Variants in ZNF236 observed in about 807,000 individuals in gnomAD.
ZNF236 encodes regulated by glucose.
ZNF236 carries 50 observed loss-of-function variants against 191.2 expected under a neutral mutation model. The observed-to-expected ratio is 0.26, with a 90% CI of 0.21 to 0.33. The LOEUF is 0.33. ZNF236 is among the 10% of genes least tolerant of loss of function. The pLI, the probability that ZNF236 is intolerant of heterozygous loss-of-function variation, is 1.00. For missense variants in ZNF236, 1,754 were observed against 2,374.5 expected (o/e 0.74, Z 5.43); for synonymous variants, 907 against 928.8 (o/e 0.98, Z 0.43).
At chr18:76,853,760 C>T (rs1975952660) in intron 3 of ZNF236, among the ~76,000 whole-genome samples, 1 of 152,016 alleles carries the variant, frequency 6.6e-6, no homozygotes, top group South Asian at 2.1e-4. Flanking sequence ...TCTGTAATCC[C>T]AGCACTTTGG....
intron 2 of ZNF236, 125 bp from the exon 3 acceptor site, chr18:76,851,650 G>A (rs1162801080): frequency 2.9e-6 from 3 of 1,017,944 alleles, no homozygotes; most frequent in Non-Finnish European, 4.1e-6. Context: ...AAGAGCCAGA[G>A]GAGACTTCAG....
At position 76,875,011 on chromosome 18, in the gene ZNF236, T is replaced by C. The variant is rs545620414; in HGVS notation, c.668-481T>C. ...AAAGAGGGTCATTTTGTCTGTTGTTTTGAGAGCAGCCTAGGAAGGGGCCAG... is the reference window on the plus strand; with the variant it reads ...AAAGAGGGTCATTTTGTCTGTTGTTCTGAGAGCAGCCTAGGAAGGGGCCAG... On this transcript the variant is annotated intron_variant, in intron 5 of 30. Coordinates refer to ENST00000320610, the MANE Select transcript of ZNF236 (RefSeq NM_001306089.2). This position sits in a 1 kb window ranked among gnomAD's most constrained non-coding sequence, Gnocchi z 4.3. 6.6e-6 allele frequency among the ~76,000 whole-genome samples: 1 copy of C among 152,288 alleles called. No homozygotes were observed. The highest frequency in any genetic ancestry group is 1.9e-4 in the East Asian group (1 of 5,176).
At chr18:76,936,147 G>A in intron 25 of ZNF236, 1 of 433,020 alleles carries the variant, frequency 2.3e-6, no homozygotes, top group Non-Finnish European at 4.7e-6. Context: ...AGTGCTGACA[G>A]GCGCGTGTTT....
In ZNF236 at chr18:76,972,210, T is replaced by C. The variant is rs150364006; in HGVS notation, c.*3871T>C. On this transcript the variant is annotated 3_prime_UTR_variant, in exon 31 of 31. Coordinates refer to ENST00000320610, the MANE Select transcript of ZNF236 (RefSeq NM_001306089.2). ...TTCCCATATTCTAATGAAAAGATCG[T>C]ACGCCAAAGGCCACTGAGCTGGCAT... is the stretch of plus-strand genomic sequence containing the variant. Among the ~76,000 whole-genome samples, 250 of 152,356 alleles carry C rather than the reference T, an allele frequency of 1.6e-3. No homozygotes were observed. Among genetic ancestry groups the C allele is most frequent in the African/African-American group, 5.7e-3 (235 of 41,580 alleles).
rs7228428 is a variant in ZNF236 at position 76,836,913 on chromosome 18, A to T, written c.56-12613A>T. On this transcript the variant is annotated intron_variant, in intron 1 of 30. Coordinates refer to ENST00000320610, the MANE Select transcript of ZNF236 (RefSeq NM_001306089.2). ...TTTTTTGAGACACAGTCTTGCTCTG[A>T]TGCCCAGGCTGGAGTTCAGTGGTGC... Among the ~76,000 whole-genome samples, 275 of 150,460 alleles carry T rather than the reference A, an allele frequency of 1.8e-3. 1 individual carries two copies. Among genetic ancestry groups the T allele is most frequent in the African/African-American group, 6.5e-3 (264 of 40,868 alleles).
chr18:76,961,906 G>T (rs1406678386), intron 30 of ZNF236, among the ~76,000 whole-genome samples: 4 of 151,444 alleles, frequency 2.6e-5, no homozygotes, highest in Non-Finnish European at 1.5e-5. Flanking sequence ...CTCACTTTTT[G>T]ATGGGATTGT....
chr18:76,837,884 T>G (rs1360075554), intron 1 of ZNF236, among the ~76,000 whole-genome samples: 1 of 152,236 alleles, frequency 6.6e-6, no homozygotes, highest in Non-Finnish European at 1.5e-5. Flanking sequence ...GTCTCTGTCC[T>G]TTTGCCAATA....
intron 4 of ZNF236, among the ~76,000 whole-genome samples, chr18:76,871,012 G>A (rs113478866): frequency 0.012 from 1,844 of 152,220 alleles, 27 homozygotes; most frequent in African/African-American, 0.042. Flanking sequence ...CTGGAGAGCC[G>A]AACCCGTTCT....
rs1323819495 is a variant in ZNF236, at chr18:76,875,170, G to C, written c.668-322G>C. Among the ~76,000 whole-genome samples the C allele has an allele frequency of 1.3e-5, 2 of 152,122 alleles. No individual in the cohort carries two copies. On this transcript the variant is annotated intron_variant, in intron 5 of 30. Transcript: ENST00000320610. This position sits in a 1 kb window ranked among gnomAD's most constrained non-coding sequence, Gnocchi z 4.3. ...GTATTTTGAAGTTATTATTGAGTGT[G>C]AGACGTGAGAGAAACCAAAGATAAG...
intron 7 of ZNF236, among the ~76,000 whole-genome samples, chr18:76,878,940 C>CT (rs1409391358): frequency 6.6e-6 from 1 of 151,794 alleles, no homozygotes; most frequent in Non-Finnish European, 1.5e-5. Context: ...TTTTTCTTTT[C>CT]TTTTTTCATA....
At chr18:76,899,848 T>A (rs1318710244) in intron 11 of ZNF236, among the ~76,000 whole-genome samples, 1 of 152,204 alleles carries the variant, frequency 6.6e-6, no homozygotes, top group Non-Finnish European at 1.5e-5. Context: ...CCACTAACTG[T>A]GTAGCTTGTA....
Position 76,961,954 on chromosome 18 carries a change from A to C in ZNF236, c.5419+1099A>C, listed in dbSNP as rs548646848. Among the ~76,000 whole-genome samples, 5 of 152,136 alleles carry C rather than the reference A, an allele frequency of 3.3e-5. No individual in the cohort carries two copies. In the East Asian group the frequency reaches 9.7e-4, roughly 29 times the overall value. On this transcript the variant is annotated intron_variant, in intron 30 of 30. Transcript: ENST00000320610. The stretch of plus-strand genomic sequence containing the variant: ...TTACTGATTAGTTTGAATTCGTTGT[A>C]GATTCTGGATATTAGTCCTTTTCAG...
At chr18:76,888,995 T>G (rs1403409534) in intron 9 of ZNF236, among the ~76,000 whole-genome samples, 2 of 152,208 alleles carry the variant, frequency 1.3e-5, no homozygotes, top group Non-Finnish European at 2.9e-5. Flanking sequence ...TTTCCTCTCC[T>G]GCCAAGAAAC....
chr18:76,930,044 G>A (rs1967804399), intron 25 of ZNF236, among the ~76,000 whole-genome samples: 1 of 152,280 alleles, frequency 6.6e-6, no homozygotes, highest in South Asian at 2.1e-4. Flanking sequence ...CAGATACAAT[G>A]AAAGTCCTTT....
At chr18:76,966,421 T>C (rs1328563248) in intron 30 of ZNF236, among the ~76,000 whole-genome samples, 1 of 152,180 alleles carries the variant, frequency 6.6e-6, no homozygotes, top group East Asian at 1.9e-4. Flanking sequence ...AGAAATTTAT[T>C]GGAGTAAAAT....
intron 9 of ZNF236, among the ~76,000 whole-genome samples, chr18:76,893,133 G>A (rs1373058046): frequency 2.6e-5 from 4 of 152,302 alleles, no homozygotes; most frequent in Middle Eastern, 6.8e-3. Flanking sequence ...TGCGTAACTT[G>A]AGATATAGTT....
intron 1 of ZNF236, among the ~76,000 whole-genome samples, chr18:76,845,373 CAGGT>C (rs2122483303): frequency 6.6e-6 from 1 of 152,252 alleles, no homozygotes; most frequent in African/African-American, 2.4e-5. Context: ...GGGGCAGAAA[CAGGT>C]AGCTGAAAAG....
intron 9 of ZNF236, among the ~76,000 whole-genome samples, chr18:76,892,725 G>T (rs553826447): frequency 6.6e-6 from 1 of 152,088 alleles, no homozygotes; most frequent in African/African-American, 2.4e-5. Context: ...GTGCCACCAC[G>T]CCCAGCAAAT....
Position 76,878,038 on chromosome 18 carries a change from A to G in ZNF236, c.870A>G (p.Thr290=), listed in dbSNP as rs1976763809. 1 of 1,612,092 alleles carries G rather than the reference A, an allele frequency of 6.2e-7. No homozygotes were observed. Among genetic ancestry groups the G allele is most frequent in the Non-Finnish European group, 8.5e-7 (1 of 1,178,818 alleles). ...EVKNGPTYNC[T]ECSCVFKSLG... is the part of the protein sequence containing the mutation. ...AGAATGGTCCTACCTATAACTGTAC[A>G]GAATGTAGTTGTGTATTTAAAAGTT... The change falls in exon 7 of 31, where the codon ACA becomes ACG. Residue 290 remains threonine (T), a synonymous_variant. Transcript: ENST00000320610.
Sources: allele counts gnomAD v4.1 joint callset (sites outside exome capture counted in the v4.1 genomes callset), GRCh38; gene constraint gnomAD v4.1.1; non-coding constraint Gnocchi (gnomAD v3.1); transcripts MANE v1.5; gene names NCBI Gene and HGNC (gene_info 2026-07-23, HGNC 2026-07-21).